NHSL1: variants seen among roughly 807,000 people sequenced by gnomAD.
NHSL1 encodes the protein NHS like 1.
Under a neutral mutation model 95.0 loss-of-function variants are expected in NHSL1, and 48 were observed. That is an observed-to-expected ratio of 0.51 (90% CI 0.40 to 0.64). The LOEUF (loss-of-function observed/expected upper bound fraction) is 0.64, where lower values mean the gene tolerates loss of function less well. NHSL1 is among the 30% of genes least tolerant of loss of function. The pLI, the probability that NHSL1 is intolerant of heterozygous loss-of-function variation, is 0.00. For missense variants in NHSL1, 1,971 were observed against 2,077.7 expected, an observed-to-expected ratio of 0.95 and a Z score of 1.00; for synonymous variants, 783 against 833.9, an observed-to-expected ratio of 0.94 and a Z score of 1.05.
At chr6:138,465,054 C>CAA (rs35195031) in intron 3 of NHSL1, among the ~76,000 whole-genome samples, 6,957 of 100,850 alleles carry the variant, frequency 0.069, 428 homozygotes, top group African/African-American at 0.18. Flanking sequence ...TGTATGCCTT[C>CAA]AAAAAAAAAA....
chr6:138,643,274 G>A (rs976536036), intron 1 of NHSL1, among the ~76,000 whole-genome samples: 9 of 152,084 alleles, frequency 5.9e-5, no homozygotes, highest in Non-Finnish European at 1.3e-4. Flanking sequence ...GTAAAATTGA[G>A]GGAGATACAG....
At chr6:138,437,407 C>CATAT (rs1776232231) in intron 5 of NHSL1, among the ~76,000 whole-genome samples, 15 of 73,240 alleles carry the variant, frequency 2.0e-4, no homozygotes, top group African/African-American at 8.2e-4. Flanking sequence ...TATATATACA[C>CATAT]ACATATACAC....
chr6:138,461,484 G>A (rs568796547), intron 3 of NHSL1, among the ~76,000 whole-genome samples: 5 of 152,040 alleles, frequency 3.3e-5, no homozygotes, highest in Non-Finnish European at 7.3e-5. Context: ...AGTGTGTTGT[G>A]TCATGAGAGC....
intron 1 of NHSL1, among the ~76,000 whole-genome samples, chr6:138,647,005 C>T (rs1785028743): frequency 6.6e-6 from 1 of 152,146 alleles, no homozygotes; most frequent in Admixed American, 6.5e-5. Flanking sequence ...AATTGTGATT[C>T]CCAGTTTTAC....
At chr6:138,554,235 G>T (rs1037556388) in intron 1 of NHSL1, among the ~76,000 whole-genome samples, 1 of 152,166 alleles carries the variant, frequency 6.6e-6, no homozygotes, top group Admixed American at 6.5e-5. Flanking sequence ...ACAACAGTAG[G>T]TCCTTTCACG....
chr6:138,639,468 C>T lies in NHSL1; in HGVS notation c.96+53008G>A, dbSNP rs138429676. ...CCTGGCTAGCACGGTGAAACCCCGT[C>T]TTCTACTAAAAATACAAGAAAAAAA... On this transcript the variant is annotated intron_variant, in intron 1 of 3. Transcript: ENST00000491526. Among the ~76,000 whole-genome samples, 817 of 151,718 alleles carry T rather than the reference C, an allele frequency of 5.4e-3. 3 individuals are homozygous for T. Among genetic ancestry groups the T allele is most frequent in the Non-Finnish European group, 6.7e-3 (453 of 67,906 alleles).
intron 1 of NHSL1, among the ~76,000 whole-genome samples, chr6:138,655,332 C>G (rs1012012352): frequency 1.3e-5 from 2 of 152,198 alleles, no homozygotes; most frequent in Admixed American, 1.3e-4. Flanking sequence ...ACCTCCATAT[C>G]CAGCTTGTGT....
chr6:138,545,732 C>A, upstream of NHSL1: 1 of 1,260,922 alleles, frequency 7.9e-7, no homozygotes, highest in Admixed American at 2.5e-5. Context: ...CCTCAGCGCT[C>A]ACTGCCAGAG....
chr6:138,591,310 C>T (rs1365492422), intron 1 of NHSL1, among the ~76,000 whole-genome samples: 1 of 152,206 alleles, frequency 6.6e-6, no homozygotes, highest in Non-Finnish European at 1.5e-5. Flanking sequence ...TCCCCTTTAT[C>T]TGTAGTTTTG....
intron 1 of NHSL1, among the ~76,000 whole-genome samples, chr6:138,558,226 A>G (rs113315004): frequency 0.051 from 7,802 of 151,650 alleles, 648 homozygotes; most frequent in African/African-American, 0.18. Flanking sequence ...GGATTCAAGC[A>G]ATTCTCCTGC....
intron 1 of NHSL1, among the ~76,000 whole-genome samples, chr6:138,682,905 T>C (rs4896383): frequency 0.61 from 93,357 of 152,132 alleles, 30,474 homozygotes; most frequent in East Asian, 0.92. Context: ...CGTTCCAAGA[T>C]GCCCGAGGAA....
chr6:138,519,342 G>A (rs1781582400), intron 1 of NHSL1, among the ~76,000 whole-genome samples: 1 of 151,932 alleles, frequency 6.6e-6, no homozygotes, highest in Non-Finnish European at 1.5e-5. Context: ...AAAAAAATGT[G>A]TTATCAAAAA....
At chr6:138,559,574 C>T (rs1457385921) in intron 1 of NHSL1, among the ~76,000 whole-genome samples, 1 of 152,166 alleles carries the variant, frequency 6.6e-6, no homozygotes, top group African/African-American at 2.4e-5. Flanking sequence ...CAAAGTACTC[C>T]TGGTATACCA....
At chr6:138,601,047 C>A (rs1784363767) in intron 1 of NHSL1, among the ~76,000 whole-genome samples, 1 of 152,090 alleles carries the variant, frequency 6.6e-6, no homozygotes, top group South Asian at 2.1e-4. Context: ...AATGTATGTC[C>A]CTTCATTTAC....
intron 1 of NHSL1, among the ~76,000 whole-genome samples, chr6:138,632,960 T>A (rs1185333870): frequency 6.6e-6 from 1 of 151,918 alleles, no homozygotes; most frequent in Non-Finnish European, 1.5e-5. Flanking sequence ...AAATTCAAGA[T>A]AACACAGAAA....
At chr6:138,426,701 T>G (rs1199561374) in intron 7 of NHSL1, among the ~76,000 whole-genome samples, 2 of 152,146 alleles carry the variant, frequency 1.3e-5, no homozygotes, top group Non-Finnish European at 2.9e-5. Context: ...TCCATTCTTC[T>G]GGTCAAAAAG....
intron 1 of NHSL1, among the ~76,000 whole-genome samples, chr6:138,513,171 G>A (rs1031311243): frequency 6.6e-6 from 1 of 152,180 alleles, no homozygotes; most frequent in Admixed American, 6.5e-5. Flanking sequence ...TTGTGAAAAT[G>A]GATACAATGG....
intron 1 of NHSL1, among the ~76,000 whole-genome samples, chr6:138,554,161 A>G (rs373800960): frequency 1.6e-4 from 25 of 152,326 alleles, no homozygotes; most frequent in African/African-American, 5.1e-4. Flanking sequence ...TATGCCTAAC[A>G]TATGTGTATT....
intron 1 of NHSL1, among the ~76,000 whole-genome samples, chr6:138,536,593 A>G (rs1782353841): frequency 7.0e-6 from 1 of 143,302 alleles, no homozygotes; most frequent in Non-Finnish European, 1.5e-5. Context: ...GGAGAGGGAC[A>G]TATGTCATCT....
Sources: allele counts gnomAD v4.1 joint callset (sites outside exome capture counted in the v4.1 genomes callset), GRCh38; gene constraint gnomAD v4.1.1; transcripts MANE v1.5; gene names NCBI Gene and HGNC (gene_info 2026-07-23, HGNC 2026-07-21).